The following ABTB3 variants were observed in gnomAD, a reference collection of about 807,000 sequenced individuals.
The protein encoded by ABTB3 is ankyrin repeat and BTB domain containing 3.
At chr12:107,538,558 A>G in the ABTB3 span, among the ~76,000 whole-genome samples, 1 of 152,192 alleles carries the variant, frequency 6.6e-6, no homozygotes, top group African/African-American at 2.4e-5. Context: ...CCAGGCAGGA[A>G]GTCTGATCAG....
At chr12:107,474,311 G>A in the ABTB3 span, among the ~76,000 whole-genome samples, 1 of 152,112 alleles carries the variant, frequency 6.6e-6, no homozygotes, top group Admixed American at 6.5e-5. Flanking sequence ...GTCTGCCACC[G>A]CCGAGAGCCA....
chr12:107,602,274 T>A, the ABTB3 span, among the ~76,000 whole-genome samples: 1 of 152,210 alleles, frequency 6.6e-6, no homozygotes, highest in Non-Finnish European at 1.5e-5. Flanking sequence ...CTTTCCCCAC[T>A]GGGTAAGGTC....
the ABTB3 span, among the ~76,000 whole-genome samples, chr12:107,629,508 T>A: frequency 1.0e-3 from 159 of 152,282 alleles, 1 homozygote; most frequent in African/African-American, 3.7e-3. Flanking sequence ...ATTTACTCCA[T>A]GTGCACATCT....
At chr12:107,319,661 A>G in the ABTB3 span, 1 of 1,536,792 alleles carries the variant, frequency 6.5e-7, no homozygotes, top group Non-Finnish European at 8.7e-7. Flanking sequence ...GACAGCCTGC[A>G]TGGAGAGCCT....
chr12:107,361,852 A>C, the ABTB3 span, among the ~76,000 whole-genome samples: 1 of 152,104 alleles, frequency 6.6e-6, no homozygotes, highest in African/African-American at 2.4e-5. Context: ...GAGTATTAGG[A>C]GGTGCGGCCT....
the ABTB3 span, among the ~76,000 whole-genome samples, chr12:107,360,868 C>T: frequency 2.0e-5 from 3 of 152,054 alleles, no homozygotes; most frequent in Non-Finnish European, 2.9e-5. Flanking sequence ...ATCCTCCTTC[C>T]TCAGCCTCCT....
the ABTB3 span, chr12:107,610,111 A>G: frequency 6.5e-7 from 1 of 1,546,300 alleles, no homozygotes; most frequent in Non-Finnish European, 8.9e-7. Context: ...GCAATGTCCC[A>G]GGGTGCTTCC....
chr12:107,508,809 G>A, the ABTB3 span, among the ~76,000 whole-genome samples: 1 of 152,172 alleles, frequency 6.6e-6, no homozygotes, highest in Admixed American at 6.6e-5. Flanking sequence ...CCATGGCTGA[G>A]TTTTATCACA....
At chr12:107,399,490 G>C in the ABTB3 span, among the ~76,000 whole-genome samples, 4 of 152,182 alleles carry the variant, frequency 2.6e-5, no homozygotes, top group South Asian at 8.3e-4. Flanking sequence ...CTTGGTAACA[G>C]GGGGACCCAA....
the ABTB3 span, among the ~76,000 whole-genome samples, chr12:107,327,153 G>T: frequency 6.6e-6 from 1 of 152,124 alleles, no homozygotes; most frequent in South Asian, 2.1e-4. Context: ...AAGGTTTATA[G>T]ATTTTGCAAT....
chr12:107,344,619 C>T, the ABTB3 span, among the ~76,000 whole-genome samples: 2 of 152,190 alleles, frequency 1.3e-5, no homozygotes, highest in African/African-American at 4.8e-5. Flanking sequence ...CAATTGACCT[C>T]GTGGAGGGAT....
chr12:107,486,881 G>C, the ABTB3 span, among the ~76,000 whole-genome samples: 1 of 152,114 alleles, frequency 6.6e-6, no homozygotes, highest in Admixed American at 6.5e-5. Flanking sequence ...TTACAAATGA[G>C]GAGATCAAGG....
At chr12:107,487,426 C>T in the ABTB3 span, among the ~76,000 whole-genome samples, 2 of 152,144 alleles carry the variant, frequency 1.3e-5, no homozygotes, top group Non-Finnish European at 2.9e-5. Context: ...AGGTCTCTGT[C>T]TGCTGGGCTC....
At chr12:107,496,835 A>T in the ABTB3 span, among the ~76,000 whole-genome samples, 16 of 152,154 alleles carry the variant, frequency 1.1e-4, no homozygotes, top group Non-Finnish European at 2.2e-4. Context: ...GCTTGTATTT[A>T]AACTGGGGCA....
At chr12:107,478,751 G>T in the ABTB3 span, among the ~76,000 whole-genome samples, 7 of 151,996 alleles carry the variant, frequency 4.6e-5, no homozygotes, top group Non-Finnish European at 1.0e-4. Flanking sequence ...ACCCCTTGGA[G>T]AGAGGACCCT....
chr12:107,496,248 C>G, the ABTB3 span, among the ~76,000 whole-genome samples: 2 of 152,190 alleles, frequency 1.3e-5, no homozygotes, highest in Non-Finnish European at 2.9e-5. Context: ...CCAGGTACAC[C>G]CTGTCTCCCA....
the ABTB3 span, among the ~76,000 whole-genome samples, chr12:107,607,768 T>G: frequency 6.6e-6 from 1 of 152,114 alleles, no homozygotes; most frequent in African/African-American, 2.4e-5. Context: ...GGATTCCCAT[T>G]CCGGAATAGT....
At chr12:107,419,970 A>C in the ABTB3 span, among the ~76,000 whole-genome samples, 1 of 152,304 alleles carries the variant, frequency 6.6e-6, no homozygotes, top group Non-Finnish European at 1.5e-5. Context: ...TGAGGAATGA[A>C]AAAGGAAATG....
the ABTB3 span, among the ~76,000 whole-genome samples, chr12:107,433,592 T>A: frequency 6.6e-6 from 1 of 152,152 alleles, no homozygotes; most frequent in Non-Finnish European, 1.5e-5. Context: ...CCTCTCTGCA[T>A]CCTCACAACA....
Sources: allele counts gnomAD v4.1 joint callset (sites outside exome capture counted in the v4.1 genomes callset), GRCh38; gene constraint gnomAD v4.1.1; transcripts MANE v1.5; gene names NCBI Gene and HGNC (gene_info 2026-07-23, HGNC 2026-07-21).